TMC2: variants seen among roughly 807,000 people sequenced by gnomAD.
TMC2 encodes transmembrane channel-like protein 2.
In TMC2, 102 loss-of-function variants were observed where a neutral mutation model predicts 105.9. The ratio of observed to expected loss-of-function variants is 0.96; its 90% CI spans 0.82 to 1.14. The LOEUF (loss-of-function observed/expected upper bound fraction) is 1.14, where lower values mean the gene tolerates loss of function less well. Ranked by LOEUF, TMC2 falls within the 50% of genes most tolerant of loss-of-function variation. TMC2 has a pLI of 0.00. For missense variants in TMC2, 1,093 were observed against 1,134.3 expected, an observed-to-expected ratio of 0.96 and a Z score of 0.52; for synonymous variants, 402 against 422.8, an observed-to-expected ratio of 0.95 and a Z score of 0.60.
chr20:2,592,507 C>CA lies in TMC2; in HGVS notation c.933+100dup. On this transcript the variant is annotated intron_variant, in intron 8 of 19. Coordinates refer to ENST00000358864, the MANE Select transcript of TMC2 (RefSeq NM_080751.3). This position sits in a 1 kb window ranked among gnomAD's most constrained non-coding sequence, Gnocchi z 4.9. ...ATAGTGCGTTTAATTATTGAAAAACCATTGCTTTAATAGGATCCCAGCACT... is the reference window on the plus strand; with the variant it reads ...ATAGTGCGTTTAATTATTGAAAAACCAATTGCTTTAATAGGATCCCAGCACT... 1 of 871,044 alleles carries CA rather than the reference C, an allele frequency of 1.1e-6. No homozygotes were observed. Among genetic ancestry groups the CA allele is most frequent in the African/African-American group, 1.6e-5 (1 of 60,648 alleles). The allele number at this position is 871,044 out of a possible 1,614,324, so 54.0% of individuals were successfully genotyped here.
intron 2 of TMC2, among the ~76,000 whole-genome samples, chr20:2,540,148 G>A (rs1359128149): frequency 1.3e-5 from 2 of 151,484 alleles, no homozygotes; most frequent in Admixed American, 1.3e-4. Flanking sequence ...CTGCCACCAC[G>A]CCCAGCTAAT....
rs1412023873 is a variant in TMC2 at position 2,606,885 on chromosome 20, TTTTTTC to T, written c.1414-3528_1414-3523del. On this transcript the variant is annotated intron_variant, in intron 11 of 19. Coordinates refer to ENST00000358864, the MANE Select transcript of TMC2 (RefSeq NM_080751.3). ...TTTAATATAGTTTTCCCTTAATTTC[TTTTTTC>T]TTTTTTTTTTTTTTTTTTTGCAGTA... 2.4e-3 allele frequency among the ~76,000 whole-genome samples: 266 copies of T among 108,870 alleles called. 1 individual carries two copies. Among genetic ancestry groups the T allele is most frequent in the African/African-American group, 0.01 (239 of 23,534 alleles). 71.4% of individuals were successfully genotyped at this position (108,870 alleles called of 152,430 possible).
At chr20:2,620,291 T>G (rs2086515866) in intron 16 of TMC2, among the ~76,000 whole-genome samples, 1 of 152,190 alleles carries the variant, frequency 6.6e-6, no homozygotes, top group Non-Finnish European at 1.5e-5. Flanking sequence ...TTATCTAGAT[T>G]GCAAAATATG....
intron 7 of TMC2, among the ~76,000 whole-genome samples, chr20:2,588,691 T>TTGTGTGTGTGTGTGTGTGTGTGTGTGTG (rs57035040): frequency 3.6e-4 from 52 of 143,578 alleles, no homozygotes; most frequent in African/African-American, 1.2e-3. Flanking sequence ...GCATGTGTCT[T>TTGTGTGTGTGTGTGTGTGTGTGTGTGTG]TGTGTGTGTG....
Position 2,591,267 on chromosome 20 carries a change from A to G in TMC2, c.835-1043A>G, listed in dbSNP as rs575114508. ...GTCATTTTATTTGGGGAAATACCTT[A>G]TGACGTAGGAAACTGGTCACAAAAT... is the stretch of plus-strand genomic sequence containing the variant. On this transcript the variant is annotated intron_variant, in intron 7 of 19. Transcript: ENST00000358864. 2.0e-5 allele frequency among the ~76,000 whole-genome samples: 3 copies of G among 152,332 alleles called. No individual in the cohort carries two copies. The South Asian group carries it at 6.2e-4, about 32-fold the overall frequency.
intron 2 of TMC2, among the ~76,000 whole-genome samples, chr20:2,553,134 G>C (rs577228310): frequency 6.6e-6 from 1 of 152,178 alleles, no homozygotes; most frequent in Non-Finnish European, 1.5e-5. Context: ...TTCCAACACA[G>C]TGCTGAACAG....
intron 2 of TMC2, among the ~76,000 whole-genome samples, chr20:2,538,934 T>A (rs2085870093): frequency 6.6e-6 from 1 of 152,206 alleles, no homozygotes; most frequent in Non-Finnish European, 1.5e-5. Context: ...AATAAAAGTT[T>A]AAGAATACAA....
In TMC2 at chr20:2,558,752, T is replaced by C; in HGVS notation, c.379T>C (p.Ser127Pro). The C allele has an allele frequency of 1.3e-6, 2 of 1,559,032 alleles. No homozygotes were observed. The highest frequency in any genetic ancestry group is 1.4e-5 in the African/African-American group (1 of 73,036). The change falls in exon 3 of 20, where the codon TCG becomes CCG. Residue 127 changes from serine to proline, a missense_variant. By Grantham distance (74) the Ser-to-Pro change is moderately conservative. Coordinates refer to ENST00000358864, the MANE Select transcript of TMC2 (RefSeq NM_080751.3). The surrounding 1 kb of genome is among the most constrained non-coding windows in gnomAD (Gnocchi z 4.6). ...GGAGATTCCGAGGAGGGAGGAGAAG[T>C]CGAAGCGGCAGAAGAAACCCAGGTG... ...EKEIPRREEK[S>P]KRQKKPRSSS... is the part of the protein sequence containing the mutation.
rs538907802 is a variant in TMC2 at position 2,574,887 on chromosome 20, G to A, written c.645+2618G>A. 9.9e-5 allele frequency among the ~76,000 whole-genome samples: 15 copies of A among 151,996 alleles called. No homozygotes were observed. In the East Asian group the frequency reaches 1.2e-3, roughly 12 times the overall value. ...ATTATGGGCATGCGCCACCATACCC[G>A]GCTAATTTTTGTATTTTTAGTAGAT... On this transcript the variant is annotated intron_variant, in intron 5 of 19. Transcript: ENST00000358864.
chr20:2,561,266 A>G (rs1366101966), intron 3 of TMC2, among the ~76,000 whole-genome samples: 1 of 152,246 alleles, frequency 6.6e-6, no homozygotes, highest in Non-Finnish European at 1.5e-5. Flanking sequence ...AGTTCTTGGG[A>G]ATCTTTTAAG....
In TMC2 at chr20:2,586,651, G is replaced by A. The variant is rs956483083; in HGVS notation, c.835-5659G>A. 5.3e-5 allele frequency among the ~76,000 whole-genome samples: 8 copies of A among 152,252 alleles called. No homozygotes were observed. In the South Asian group the frequency reaches 6.2e-4, roughly 12 times the overall value. On this transcript the variant is annotated intron_variant, in intron 7 of 19. Coordinates refer to ENST00000358864, the MANE Select transcript of TMC2 (RefSeq NM_080751.3). The stretch of plus-strand genomic sequence containing the variant: ...CAACCATATCTCGTGTGAACTAACC[G>A]AGTGAGAACTCACTTATCACCAAGG...
chr20:2,566,113 C>T (rs2086062500), intron 4 of TMC2, among the ~76,000 whole-genome samples: 1 of 152,164 alleles, frequency 6.6e-6, no homozygotes, highest in Non-Finnish European at 1.5e-5. Flanking sequence ...CCTGAATTCA[C>T]ACCTCTGCCA....
At chr20:2,552,157 C>G (rs1043974719) in intron 2 of TMC2, among the ~76,000 whole-genome samples, 1 of 152,104 alleles carries the variant, frequency 6.6e-6, no homozygotes, top group Non-Finnish European at 1.5e-5. Flanking sequence ...ACTTGGGAGG[C>G]TGAGGTGGGA....
At chr20:2,631,930 T>C (rs753931171) in intron 17 of TMC2, among the ~76,000 whole-genome samples, 2 of 152,218 alleles carry the variant, frequency 1.3e-5, no homozygotes, top group Non-Finnish European at 2.9e-5. Context: ...CATTTGCTGT[T>C]GTCCCATAGG....
intron 17 of TMC2, among the ~76,000 whole-genome samples, chr20:2,625,525 A>T (rs1000298109): frequency 3.3e-5 from 5 of 152,234 alleles, no homozygotes; most frequent in African/African-American, 7.2e-5. Flanking sequence ...CTCACATTAC[A>T]TGCTTTTCCT....
In TMC2 at chr20:2,537,929, C is replaced by T. The variant is rs60376765; in HGVS notation, c.82+613C>T. On this transcript the variant is annotated intron_variant, in intron 2 of 19. Coordinates refer to ENST00000358864, the MANE Select transcript of TMC2 (RefSeq NM_080751.3). ...TATTATGGATGCGATGCTGTTTTCT[C>T]CCCCTTCACGTCCCAGGCAGGGCTG... Among the ~76,000 whole-genome samples, 7 of 152,260 alleles carry T rather than the reference C, an allele frequency of 4.6e-5. No homozygotes were observed. The East Asian group carries it at 1.4e-3, about 29-fold the overall frequency.
At chr20:2,571,264 A>G (rs190285020) in intron 4 of TMC2, among the ~76,000 whole-genome samples, 23 of 152,358 alleles carry the variant, frequency 1.5e-4, no homozygotes, top group African/African-American at 5.5e-4. Flanking sequence ...ACAAAAGTCT[A>G]ATATCCAAAA....
chr20:2,553,538 T>TGTTTCGTGTGAC (rs1555770675), intron 2 of TMC2, among the ~76,000 whole-genome samples: 3 of 151,654 alleles, frequency 2.0e-5, no homozygotes, highest in African/African-American at 4.8e-5. Context: ...GATACAGGTC[T>TGTTTCGTGTGAC]GTTTTTGTCT....
rs565664102 is a variant in TMC2, at chr20:2,594,225, C to CTTTTTTTTTTTTTTTTTTTT, written c.934-599_934-580dup. ...CCAACTATACTGTTACTAAGGATTC[C>CTTTTTTTTTTTTTTTTTTTT]TTTTTTTTTTTTTTTTTTTTGAGAC... On this transcript the variant is annotated intron_variant, in intron 8 of 19. Coordinates refer to ENST00000358864, the MANE Select transcript of TMC2 (RefSeq NM_080751.3). Among the ~76,000 whole-genome samples the CTTTTTTTTTTTTTTTTTTTT allele has an allele frequency of 1.8e-4, 20 of 113,774 alleles. 1 individual carries two copies. The highest frequency in any genetic ancestry group is 5.8e-4 in the African/African-American group (18 of 31,224). 74.6% of individuals were successfully genotyped at this position (113,774 alleles called of 152,430 possible). A position where few individuals can be genotyped will look rare whatever the true frequency, so the allele number is the denominator to read the frequency against.
Sources: gnomAD v4.1 joint callset for allele counts (sites outside exome capture counted in the v4.1 genomes callset) on GRCh38, gnomAD v4.1.1 for gene constraint, Gnocchi (gnomAD v3.1) non-coding constraint, MANE v1.5 for transcripts, NCBI Gene and HGNC (gene_info 2026-07-23, HGNC 2026-07-21) for gene names.